RIC1: variants seen among roughly 807,000 people sequenced by gnomAD.
RIC1 encodes the protein RIC1 partner of RAB6A GEF complex.
In RIC1, 88 loss-of-function variants were observed where a neutral mutation model predicts 169.0. The ratio of observed to expected loss-of-function variants is 0.52; its 90% CI spans 0.44 to 0.62. The LOEUF (loss-of-function observed/expected upper bound fraction) is 0.62, where lower values mean the gene tolerates loss of function less well. Ranked by LOEUF, RIC1 falls within the 20% of genes least tolerant of loss-of-function variation. The pLI is 0.00. For synonymous variants in RIC1, 790 were observed against 601.5 expected (o/e 1.31, Z -4.59); for missense variants, 1,877 against 1,725.5 (o/e 1.09, Z -1.56).
At chr9:5,736,355 A>C (rs924610762) in intron 7 of RIC1, among the ~76,000 whole-genome samples, 1 of 152,262 alleles carries the variant, frequency 6.6e-6, no homozygotes, top group African/African-American at 2.4e-5. Flanking sequence ...GGACAAAAAT[A>C]TGAAAGAGCT....
chr9:5,664,150 C>G (rs967980566), intron 2 of RIC1, among the ~76,000 whole-genome samples: 1 of 152,094 alleles, frequency 6.6e-6, no homozygotes, highest in Non-Finnish European at 1.5e-5. Flanking sequence ...TGGCTCACAC[C>G]TGTAATCCCA....
At chr9:5,691,777 G>A (rs1017706047) in intron 3 of RIC1, among the ~76,000 whole-genome samples, 2 of 151,886 alleles carry the variant, frequency 1.3e-5, no homozygotes, top group Non-Finnish European at 2.9e-5. Context: ...GCAGTAATCA[G>A]AAACAACAAT....
rs140434381 is a variant in RIC1, at chr9:5,653,110, G to T, written c.145-3473G>T. On this transcript the variant is annotated intron_variant, in intron 1 of 25. Transcript: ENST00000414202. ...TGCTACCATTTTGTTGAGGACTTTT[G>T]CATCTGTGTTCATCAGGTATTTATT... Among the ~76,000 whole-genome samples the T allele has an allele frequency of 8.4e-3, 1,280 of 152,222 alleles. 9 individuals are homozygous for T. Among genetic ancestry groups the T allele is most frequent in the Non-Finnish European group, 0.012 (793 of 68,004 alleles).
chr9:5,747,042 G>C (rs1459760633), intron 11 of RIC1, among the ~76,000 whole-genome samples: 1 of 152,124 alleles, frequency 6.6e-6, no homozygotes, highest in Non-Finnish European at 1.5e-5. Flanking sequence ...GATTTCAATA[G>C]TTAATGAGTC....
rs1330612868 is a variant in RIC1, at chr9:5,742,987, G to A, written c.1020G>A (p.Leu340=). The A allele has an allele frequency of 6.2e-7, 1 of 1,612,368 alleles. No individual in the cohort carries two copies. The highest frequency in any genetic ancestry group is 1.3e-5 in the African/African-American group (1 of 74,940). ...TATGGAGTGTTTTTGGAGCACAGCT[G>A]ATTTGTACACTTGGAGGAGATTTTG... ...LSLWSVFGAQ[L]ICTLGGDFAY... Residue 340 remains leucine, a synonymous_variant, in exon 9 of 26, where the codon CTG becomes CTA. Transcript: ENST00000414202.
At chr9:5,710,789 G>A (rs146005027) in intron 3 of RIC1, among the ~76,000 whole-genome samples, 2,495 of 152,198 alleles carry the variant, frequency 0.016, 35 homozygotes, top group South Asian at 0.051. Flanking sequence ...GAGTGGATGA[G>A]AAAATTCTCA....
intron 3 of RIC1, among the ~76,000 whole-genome samples, chr9:5,709,570 C>A (rs1822809142): frequency 6.6e-6 from 1 of 152,184 alleles, no homozygotes; most frequent in Non-Finnish European, 1.5e-5. Context: ...TACACTGTTT[C>A]ATACATAGTA....
chr9:5,629,718 T>A (rs759449548), intron 1 of RIC1, among the ~76,000 whole-genome samples: 35 of 151,686 alleles, frequency 2.3e-4, no homozygotes, highest in Non-Finnish European at 4.9e-4. Flanking sequence ...GGCCGCGGCG[T>A]GCAGACTCCG....
intron 10 of RIC1, among the ~76,000 whole-genome samples, chr9:5,745,113 T>C (rs1825302339): frequency 6.6e-6 from 1 of 152,224 alleles, no homozygotes; most frequent in Non-Finnish European, 1.5e-5. Context: ...CTGAATGGCA[T>C]GCAAGAACCA....
chr9:5,777,059 T>A (rs1827629385), downstream of RIC1, among the ~76,000 whole-genome samples: 2 of 152,140 alleles, frequency 1.3e-5, no homozygotes, highest in South Asian at 4.1e-4. Context: ...GCCATCCAAG[T>A]TGTATATGAA....
At chr9:5,664,684 T>C (rs955713479) in intron 2 of RIC1, among the ~76,000 whole-genome samples, 2 of 152,234 alleles carry the variant, frequency 1.3e-5, no homozygotes, top group African/African-American at 4.8e-5. Flanking sequence ...GAAGTTCTCC[T>C]GGATGATATC....
intron 3 of RIC1, among the ~76,000 whole-genome samples, chr9:5,712,138 A>C (rs957910581): frequency 1.3e-5 from 2 of 152,134 alleles, no homozygotes; most frequent in Non-Finnish European, 2.9e-5. Flanking sequence ...CTAGATCCCT[A>C]AGGAATCGCC....
At chr9:5,743,399 G>A (rs1415595311) in intron 9 of RIC1, among the ~76,000 whole-genome samples, 2 of 152,064 alleles carry the variant, frequency 1.3e-5, no homozygotes, top group African/African-American at 4.8e-5. Context: ...ATAGGAGTAG[G>A]TTGGTATCTC....
chr9:5,669,297 C>G (rs750873946), intron 2 of RIC1, among the ~76,000 whole-genome samples: 2 of 152,162 alleles, frequency 1.3e-5, no homozygotes, highest in African/African-American at 2.4e-5. Flanking sequence ...CCACCCTTTT[C>G]CCTGAGTCCC....
At chr9:5,668,260 A>G (rs1157170211) in intron 2 of RIC1, among the ~76,000 whole-genome samples, 1 of 152,286 alleles carries the variant, frequency 6.6e-6, no homozygotes, top group East Asian at 1.9e-4. Context: ...TGGGAACTAC[A>G]ATTCAAGATG....
chr9:5,769,548 T>C (rs907910743), intron 22 of RIC1: 5 of 1,034,372 alleles, frequency 4.8e-6, no homozygotes, highest in African/African-American at 3.3e-5. Context: ...ACCATGCTTA[T>C]GTTATTGTGG....
rs1362686116 is a variant in RIC1 at position 5,745,916 on chromosome 9, CCTCTT to C, written c.1096-10_1096-6del. 3.1e-6 allele frequency: 5 copies of C among 1,604,226 alleles called. 1 individual carries two copies. In the East Asian group the frequency reaches 8.9e-5, roughly 29 times the overall value. On this transcript the variant is annotated splice_polypyrimidine_tract_variant and intron_variant, in intron 10 of 25. Transcript: ENST00000414202. ...TATTGCTCTGACTTTTTTTCTCCCTCCTCTTCTCTCTAAGAGCTGGGGTGCAGAAG... is the reference window on the plus strand; with the variant it reads ...TATTGCTCTGACTTTTTTTCTCCCTCCTCTCTAAGAGCTGGGGTGCAGAAG...
intron 10 of RIC1, 67 bp downstream of exon 10, chr9:5,743,804 C>G (rs1426335112): frequency 3.7e-5 from 44 of 1,188,368 alleles, no homozygotes; most frequent in Non-Finnish European, 5.3e-5. Context: ...CCTTTTTTCA[C>G]TCATTTTTAT....
intron 2 of RIC1, among the ~76,000 whole-genome samples, chr9:5,682,510 G>C (rs549065877): frequency 2.0e-4 from 30 of 152,210 alleles, no homozygotes; most frequent in African/African-American, 7.2e-4. Context: ...GGCTTGTCGA[G>C]TTTCTGCCAA....
Sources: gnomAD v4.1 joint callset for allele counts (sites outside exome capture counted in the v4.1 genomes callset) on GRCh38, gnomAD v4.1.1 for gene constraint, MANE v1.5 for transcripts, NCBI Gene and HGNC (gene_info 2026-07-23, HGNC 2026-07-21) for gene names.